The following BTRC variants were observed in gnomAD, a reference collection of about 807,000 sequenced individuals.
BTRC encodes the protein F-box/WD repeat-containing protein 1A.
BTRC carries 42 observed loss-of-function variants against 85.5 expected under a neutral mutation model. The observed-to-expected ratio is 0.49, with a 90% CI of 0.38 to 0.64. The LOEUF is 0.64. Ranked by LOEUF, BTRC falls within the 30% of genes least tolerant of loss-of-function variation. The pLI, the probability that BTRC is intolerant of heterozygous loss-of-function variation, is 0.00. For missense variants in BTRC, 594 were observed against 743.5 expected (o/e 0.80, Z 2.34); for synonymous variants, 255 against 263.3 (o/e 0.97, Z 0.30).
chr10:101,521,969 A>T (rs1589591007), intron 5 of BTRC, 99 bp downstream of exon 5: 2 of 379,212 alleles, frequency 5.3e-6, no homozygotes, highest in Non-Finnish European at 7.7e-6. Context: ...TATTGGCTTG[A>T]TTTTTACAAA....
rs188586479 is a variant in BTRC, at chr10:101,508,684, G to A, written c.325-12955G>A. On this transcript the variant is annotated intron_variant, in intron 4 of 14. Transcript: ENST00000370187. ...AATCCCAGCACTTTGGGAGGCCGAGGCGGGCAGATCACGAGGTCAGGAGAT... is the reference window on the plus strand; with the variant it reads ...AATCCCAGCACTTTGGGAGGCCGAGACGGGCAGATCACGAGGTCAGGAGAT... Among the ~76,000 whole-genome samples the A allele has an allele frequency of 6.8e-3, 1,041 of 152,198 alleles. 11 individuals are homozygous for A. Among genetic ancestry groups the A allele is most frequent in the African/African-American group, 0.02 (846 of 41,546 alleles).
rs751925099 is a variant in BTRC at position 101,535,468 on chromosome 10, A to G, written c.1462A>G (p.Ile488Val). The G allele has an allele frequency of 1.9e-6, 3 of 1,605,264 alleles. No homozygotes were observed. The highest frequency in any genetic ancestry group is 2.2e-5 in the East Asian group (1 of 44,808). Residue 488 changes from isoleucine to valine, a missense_variant, in exon 11 of 15, where the codon ATC becomes GTC. Around this residue, in one of 4 missense-constraint regions of BTRC, gnomAD observed 373 missense variants for 503.6 expected, o/e 0.74. Transcript: ENST00000370187. ...AGTGAGTGGCTCATCTGACAACACTATCAGGTGAGCAGCAAGTGCCTTGTA... is the reference window on the plus strand; with the variant it reads ...AGTGAGTGGCTCATCTGACAACACTGTCAGGTGAGCAGCAAGTGCCTTGTA... The part of the protein sequence containing the change: ...LVVSGSSDNT[I>V]RLWDIECGAC...
At chr10:101,535,864 G>A (rs1406355546) in intron 11 of BTRC, among the ~76,000 whole-genome samples, 2 of 152,124 alleles carry the variant, frequency 1.3e-5, no homozygotes, top group African/African-American at 2.4e-5. Flanking sequence ...GTCCTTTTTG[G>A]GGTTTTCCCT....
chr10:101,530,982 G>C (rs1272080164), intron 6 of BTRC, among the ~76,000 whole-genome samples: 1 of 152,164 alleles, frequency 6.6e-6, no homozygotes, highest in African/African-American at 2.4e-5. Flanking sequence ...AGACCAGCCT[G>C]ACCAACATGG....
At chr10:101,421,667 C>A (rs1407839468) in intron 1 of BTRC, among the ~76,000 whole-genome samples, 1 of 129,916 alleles carries the variant, frequency 7.7e-6, no homozygotes, top group Admixed American at 9.8e-5. Flanking sequence ...TGTTCCTCTT[C>A]TGTGTCCAAG....
intron 13 of BTRC, among the ~76,000 whole-genome samples, chr10:101,539,584 CTGA>C (rs995254036): frequency 1.3e-5 from 2 of 152,188 alleles, no homozygotes; most frequent in African/African-American, 4.8e-5. Flanking sequence ...TACCCATTCA[CTGA>C]TTGTTTCTCG....
chr10:101,516,763 T>C (rs9420851), intron 4 of BTRC, among the ~76,000 whole-genome samples: 57,012 of 152,006 alleles, frequency 0.38, 11,790 homozygotes, highest in Middle Eastern at 0.49. Flanking sequence ...CATGACTCCT[T>C]ATGATTATAG....
At chr10:101,414,162 C>G (rs1210358964) in intron 1 of BTRC, among the ~76,000 whole-genome samples, 8 of 152,196 alleles carry the variant, frequency 5.3e-5, no homozygotes, top group Non-Finnish European at 1.2e-4. Flanking sequence ...CAACCACCAT[C>G]CTACTTTCTG....
chr10:101,475,460 A>G (rs2134211297), intron 3 of BTRC, among the ~76,000 whole-genome samples: 1 of 152,320 alleles, frequency 6.6e-6, no homozygotes, highest in South Asian at 2.1e-4. Context: ...GAATCACTCG[A>G]ACCTGGGAGG....
chr10:101,494,851 C>T (rs1946221081), intron 4 of BTRC, among the ~76,000 whole-genome samples: 1 of 152,146 alleles, frequency 6.6e-6, no homozygotes, highest in Non-Finnish European at 1.5e-5. Flanking sequence ...CTAAATTATA[C>T]TTTCTGATAA....
At chr10:101,407,687 G>A (rs1564752402) in intron 1 of BTRC, among the ~76,000 whole-genome samples, 2 of 150,876 alleles carry the variant, frequency 1.3e-5, no homozygotes, top group African/African-American at 4.9e-5. Context: ...ACTGTGCCCA[G>A]CCTAACACAG....
chr10:101,434,314 C>T (rs1426517969), intron 2 of BTRC, among the ~76,000 whole-genome samples: 1 of 152,108 alleles, frequency 6.6e-6, no homozygotes, highest in Non-Finnish European at 1.5e-5. Context: ...TGAACTTCCT[C>T]TGTTATTGTA....
chr10:101,460,572 A>G (rs1228789495), intron 2 of BTRC, among the ~76,000 whole-genome samples: 1 of 152,212 alleles, frequency 6.6e-6, no homozygotes, highest in South Asian at 2.1e-4. Flanking sequence ...TTTCTGCCCA[A>G]AAGAAACACA....
chr10:101,448,930 G>A (rs11191016), intron 2 of BTRC, among the ~76,000 whole-genome samples: 1,704 of 151,950 alleles, frequency 0.011, 16 homozygotes, highest in Middle Eastern at 0.027. Flanking sequence ...GAGAGGAATG[G>A]TATTTGTAAT....
chr10:101,420,166 G>GT (rs1944061336), intron 1 of BTRC, among the ~76,000 whole-genome samples: 1 of 151,984 alleles, frequency 6.6e-6, no homozygotes, highest in Non-Finnish European at 1.5e-5. Flanking sequence ...GTTCAGCAAT[G>GT]TAATATTCAT....
At chr10:101,525,210 T>G (rs147156551) in intron 5 of BTRC, among the ~76,000 whole-genome samples, 2 of 152,184 alleles carry the variant, frequency 1.3e-5, no homozygotes, top group African/African-American at 2.4e-5. Context: ...TGGAGAACTT[T>G]AATTGGGAAG....
chr10:101,503,290 G>C (rs1034403636), intron 4 of BTRC, among the ~76,000 whole-genome samples: 1 of 152,160 alleles, frequency 6.6e-6, no homozygotes, highest in Non-Finnish European at 1.5e-5. Context: ...ATGCAAAGCA[G>C]TCCTGGTCTT....
intron 1 of BTRC, among the ~76,000 whole-genome samples, chr10:101,369,251 C>T (rs1267464362): frequency 6.6e-6 from 1 of 151,140 alleles, no homozygotes; most frequent in African/African-American, 2.4e-5. Context: ...GGGTTCTTGC[C>T]CTCTTGTCCA....
At chr10:101,491,107 A>G (rs1293802741) in intron 4 of BTRC, among the ~76,000 whole-genome samples, 1 of 151,924 alleles carries the variant, frequency 6.6e-6, no homozygotes, top group East Asian at 1.9e-4. Flanking sequence ...CAGTAATTCC[A>G]TGTAACTTAA....
Sources: gnomAD v4.1 joint callset for allele counts (sites outside exome capture counted in the v4.1 genomes callset) on GRCh38, gnomAD v4.1.1 for gene constraint, gnomAD v4.1.1 regional missense constraint, MANE v1.5 for transcripts, NCBI Gene and HGNC (gene_info 2026-07-23, HGNC 2026-07-21) for gene names.